Variants in ARID4B observed in about 807,000 individuals in gnomAD.
ARID4B encodes AT-rich interactive domain-containing protein 4B.
ARID4B carries 26 observed loss-of-function variants against 147.5 expected under a neutral mutation model. The observed-to-expected ratio is 0.18, with a 90% CI of 0.13 to 0.24. The LOEUF is 0.24. Among genes scored for constraint, ARID4B ranks in the 10% least tolerant of loss-of-function variants. ARID4B has a pLI of 1.00. For synonymous variants in ARID4B, 512 were observed against 507.9 expected, an observed-to-expected ratio of 1.01 and a Z score of -0.11; for missense variants, 1,179 against 1,511.5, an observed-to-expected ratio of 0.78 and a Z score of 3.65.
chr1:235,176,398 T>C (rs1406888514), intron 21 of ARID4B, among the ~76,000 whole-genome samples: 1 of 138,236 alleles, frequency 7.2e-6, no homozygotes, highest in Non-Finnish European at 1.5e-5. Flanking sequence ...ACTGACTGAT[T>C]TGGCATATAT....
intron 2 of ARID4B, among the ~76,000 whole-genome samples, chr1:235,270,886 C>A (rs1670939319): frequency 6.6e-6 from 1 of 152,078 alleles, no homozygotes; most frequent in Non-Finnish European, 1.5e-5. Flanking sequence ...TCAGGCAGTT[C>A]AAAATTCAGA....
intron 2 of ARID4B, among the ~76,000 whole-genome samples, chr1:235,300,182 G>A (rs760529686): frequency 1.3e-5 from 2 of 152,036 alleles, no homozygotes; most frequent in Non-Finnish European, 2.9e-5. Context: ...TTGGGAGGCT[G>A]AGGCGGGCAA....
chr1:235,260,505 T>G (rs1670227564), intron 3 of ARID4B, 137 bp downstream of exon 3: 1 of 551,528 alleles, frequency 1.8e-6, no homozygotes, highest in African/African-American at 2.0e-5. Flanking sequence ...TAACAAAAAA[T>G]GCTTTGTTTT....
At position 235,199,222 on chromosome 1, in the gene ARID4B, A is replaced by G. The variant is rs570317044; in HGVS notation, c.1842-3107T>C. The stretch of plus-strand genomic sequence containing the variant: ...ACATAATGTATAATAATATTACATT[A>G]TATTTATAGATCTAACTTAACAGAT... On this transcript the variant is annotated intron_variant, in intron 17 of 23. Transcript: ENST00000264183. Among the ~76,000 whole-genome samples the G allele has an allele frequency of 2.6e-4, 40 of 152,352 alleles. No individual in the cohort carries two copies. The South Asian group carries it at 7.9e-3, about 30-fold the overall frequency.
In ARID4B at chr1:235,204,514, G is replaced by A. The variant is rs75252448; in HGVS notation, c.1842-8399C>T. Reference sequence around the variant, plus strand: ...TAAGAGTTGACATAAACAGCTCAACGGAATGGTATAGTAATTATATCAATA... The same window carrying A: ...TAAGAGTTGACATAAACAGCTCAACAGAATGGTATAGTAATTATATCAATA... On this transcript the variant is annotated intron_variant, in intron 17 of 23. Transcript: ENST00000264183. Among the ~76,000 whole-genome samples the A allele has an allele frequency of 1.3e-3, 197 of 152,198 alleles. No individual in the cohort carries two copies. The East Asian group carries it at 0.03, about 23-fold the overall frequency.
intron 10 of ARID4B, among the ~76,000 whole-genome samples, chr1:235,229,838 A>G (rs763526486): frequency 1.5e-4 from 23 of 152,240 alleles, no homozygotes; most frequent in Non-Finnish European, 2.5e-4. Flanking sequence ...TTGAACTTCA[A>G]TTAAAACTAT....
intron 23 of ARID4B, among the ~76,000 whole-genome samples, chr1:235,169,521 G>A (rs1201351687): frequency 6.7e-6 from 1 of 150,004 alleles, no homozygotes; most frequent in African/African-American, 2.5e-5. Context: ...GATTACAGGT[G>A]TGAGCCACCG....
chr1:235,215,673 C>T (rs1667026232), intron 16 of ARID4B, among the ~76,000 whole-genome samples: 1 of 150,940 alleles, frequency 6.6e-6, no homozygotes, highest in Non-Finnish European at 1.5e-5. Context: ...GTCTTGACTT[C>T]CTGTGCTCAA....
At chr1:235,236,876 T>A (rs1447370089) in intron 8 of ARID4B, among the ~76,000 whole-genome samples, 5 of 60,228 alleles carry the variant, frequency 8.3e-5, no homozygotes, top group East Asian at 6.8e-4. Context: ...TTTTTTTTTT[T>A]TTTTTTTTTT....
intron 10 of ARID4B, among the ~76,000 whole-genome samples, chr1:235,230,386 G>A (rs950874486): frequency 5.3e-5 from 8 of 150,910 alleles, no homozygotes; most frequent in African/African-American, 2.0e-4. Context: ...TGCAACCTGG[G>A]CGACAGAGCA....
intron 17 of ARID4B, among the ~76,000 whole-genome samples, chr1:235,207,285 G>T (rs1481328174): frequency 6.6e-6 from 1 of 152,174 alleles, no homozygotes; most frequent in African/African-American, 2.4e-5. Context: ...GTGAATGGAA[G>T]AAGGACATAG....
intron 21 of ARID4B, among the ~76,000 whole-genome samples, chr1:235,175,853 G>T (rs1010641016): frequency 2.0e-5 from 3 of 152,042 alleles, no homozygotes; most frequent in Non-Finnish European, 4.4e-5. Flanking sequence ...AACTCCTCGG[G>T]AATAAACTCT....
intron 2 of ARID4B, among the ~76,000 whole-genome samples, chr1:235,283,509 C>T (rs1474459651): frequency 6.6e-6 from 1 of 152,080 alleles, no homozygotes; most frequent in Non-Finnish European, 1.5e-5. Flanking sequence ...CTTTTTCCTA[C>T]CTGATTTTCT....
chr1:235,232,288 T>G (rs904934163), intron 9 of ARID4B, among the ~76,000 whole-genome samples: 6 of 151,366 alleles, frequency 4.0e-5, no homozygotes, highest in Admixed American at 1.3e-4. Flanking sequence ...GGTGTGGTGG[T>G]GCATGCCTGT....
intron 22 of ARID4B, among the ~76,000 whole-genome samples, chr1:235,173,786 A>G (rs1033469619): frequency 1.6e-5 from 1 of 64,184 alleles, no homozygotes; most frequent in Non-Finnish European, 2.8e-5. Flanking sequence ...ATATATATAT[A>G]TATATATATA....
At chr1:235,320,900 CCTAAT>C (rs1318459115) in intron 2 of ARID4B, among the ~76,000 whole-genome samples, 5 of 152,194 alleles carry the variant, frequency 3.3e-5, no homozygotes, top group Non-Finnish European at 5.9e-5. Context: ...TCCATTATCA[CCTAAT>C]CTAAAGTAAC....
At chr1:235,173,802 ATATATATATAT>A (rs1663628529) in intron 22 of ARID4B, among the ~76,000 whole-genome samples, 1 of 81,942 alleles carries the variant, frequency 1.2e-5, no homozygotes, top group Admixed American at 1.4e-4. Flanking sequence ...ATATATATAT[ATATATATATAT>A]GTATACCTAA....
chr1:235,237,168 T>TG (rs1668664524), intron 8 of ARID4B, among the ~76,000 whole-genome samples: 1 of 151,794 alleles, frequency 6.6e-6, no homozygotes, highest in Non-Finnish European at 1.5e-5. Flanking sequence ...CCACTGCAGC[T>TG]GGCCTTAAAA....
At position 235,322,212 on chromosome 1, in the gene ARID4B, G is replaced by A. The variant is rs144300199; in HGVS notation, c.6+4702C>T. Among the ~76,000 whole-genome samples the A allele has an allele frequency of 5.4e-3, 822 of 151,902 alleles. 13 individuals carry two copies. The highest frequency in any genetic ancestry group is 0.019 in the African/African-American group (783 of 41,420). ...CCCTGCTAATTTTGTATTTTTAGTA[G>A]AAACAGGGTTTCACCATGTTGGCCA... On this transcript the variant is annotated intron_variant, in intron 2 of 23. Transcript: ENST00000264183.
Sources: gnomAD v4.1 joint callset for allele counts (sites outside exome capture counted in the v4.1 genomes callset) on GRCh38, gnomAD v4.1.1 for gene constraint, MANE v1.5 for transcripts, NCBI Gene and HGNC (gene_info 2026-07-23, HGNC 2026-07-21) for gene names.